The following PRKAR2A variants were observed in gnomAD, a reference collection of about 807,000 sequenced individuals.
PRKAR2A encodes cAMP-dependent protein kinase type II-alpha regulatory subunit.
Under a neutral mutation model 51.9 loss-of-function variants are expected in PRKAR2A, and 29 were observed. That is an observed-to-expected ratio of 0.56 (90% CI 0.42 to 0.76). The LOEUF is 0.76. Among genes scored for constraint, PRKAR2A ranks in the 30% least tolerant of loss-of-function variants. The pLI is 0.00. For missense variants in PRKAR2A, 445 were observed against 512.1 expected (o/e 0.87, Z 1.26); for synonymous variants, 178 against 186.2 (o/e 0.96, Z 0.36).
intron 2 of PRKAR2A, among the ~76,000 whole-genome samples, chr3:48,797,732 C>G: frequency 6.6e-6 from 1 of 152,184 alleles, no homozygotes; most frequent in Non-Finnish European, 1.5e-5. Flanking sequence ...CCATTCTAGT[C>G]TCTGAAATAG....
Position 48,791,903 on chromosome 3 carries a change from CAAAAAAAAAA to C in PRKAR2A, c.352-1286_352-1277del, listed in dbSNP as rs1177374619. 1.0e-3 allele frequency among the ~76,000 whole-genome samples: 42 copies of C among 41,896 alleles called. 1 individual carries two copies. In the Admixed American group the frequency reaches 0.01, roughly 10 times the overall value. The allele number at this position is 41,896 out of a possible 152,430, so 27.5% of individuals were successfully genotyped here. A position where few individuals can be genotyped will look rare whatever the true frequency, so the allele number is the denominator to read the frequency against. On this transcript the variant is annotated intron_variant, in intron 3 of 10. Transcript: ENST00000265563. ...GGGCAACAAGAGCGAAACTCTGTCTCAAAAAAAAAAAAAAAAAAAAAAAAAAAAAGATAGT... is the reference window on the plus strand; with the variant it reads ...GGGCAACAAGAGCGAAACTCTGTCTCAAAAAAAAAAAAAAAAAAAGATAGT...
intron 1 of PRKAR2A, among the ~76,000 whole-genome samples, chr3:48,832,741 A>G (rs2083210614): frequency 1.3e-5 from 2 of 152,308 alleles, no homozygotes; most frequent in Admixed American, 1.3e-4. Flanking sequence ...AAGAGCCACT[A>G]TAAAAAGATC....
chr3:48,779,802 A>C (rs1294379473), intron 5 of PRKAR2A, among the ~76,000 whole-genome samples: 1 of 148,682 alleles, frequency 6.7e-6, no homozygotes, highest in Non-Finnish European at 1.5e-5. Flanking sequence ...TAAATAAATA[A>C]ATAAATAAAT....
chr3:48,806,961 C>T (rs1203308229), intron 2 of PRKAR2A, among the ~76,000 whole-genome samples: 2 of 151,838 alleles, frequency 1.3e-5, no homozygotes, highest in African/African-American at 4.8e-5. Flanking sequence ...TTAGTAGAGA[C>T]GGGGTTTCAC....
At chr3:48,774,261 A>G (rs1431261952) in intron 5 of PRKAR2A, among the ~76,000 whole-genome samples, 1 of 152,090 alleles carries the variant, frequency 6.6e-6, no homozygotes, top group Non-Finnish European at 1.5e-5. Flanking sequence ...CCTTGGATAT[A>G]TGTCCTTTCT....
chr3:48,784,122 C>T (rs2082250498), intron 4 of PRKAR2A, among the ~76,000 whole-genome samples: 1 of 152,052 alleles, frequency 6.6e-6, no homozygotes, highest in Non-Finnish European at 1.5e-5. Flanking sequence ...GAAAATAATA[C>T]TATTAAATTC....
chr3:48,846,942 AATT>A (rs1165551809), intron 1 of PRKAR2A, among the ~76,000 whole-genome samples: 8 of 152,222 alleles, frequency 5.3e-5, no homozygotes, highest in Non-Finnish European at 1.2e-4. Context: ...TTTCAAAAAA[AATT>A]ATTATTTCCA....
At chr3:48,800,473 A>G (rs1050700318) in intron 2 of PRKAR2A, among the ~76,000 whole-genome samples, 1 of 150,962 alleles carries the variant, frequency 6.6e-6, no homozygotes, top group Non-Finnish European at 1.5e-5. Context: ...AGATCGTGCC[A>G]CTGACTCCAG....
intron 1 of PRKAR2A, among the ~76,000 whole-genome samples, chr3:48,844,502 A>G (rs1217488051): frequency 6.6e-6 from 1 of 151,620 alleles, no homozygotes; most frequent in East Asian, 1.9e-4. Flanking sequence ...TACCCAAAGG[A>G]CTATAAATCA....
At chr3:48,829,319 G>C (rs1390179703) in intron 1 of PRKAR2A, among the ~76,000 whole-genome samples, 1 of 151,126 alleles carries the variant, frequency 6.6e-6, no homozygotes, top group Non-Finnish European at 1.5e-5. Context: ...AGGAGTTCGA[G>C]GCCAGCCTGG....
intron 1 of PRKAR2A, among the ~76,000 whole-genome samples, chr3:48,824,867 A>C (rs2083033580): frequency 1.3e-5 from 2 of 149,842 alleles, no homozygotes; most frequent in South Asian, 4.3e-4. Flanking sequence ...AATCACTTGA[A>C]CCCGGGAGGC....
chr3:48,828,710 A>AT (rs1297384394), intron 1 of PRKAR2A, among the ~76,000 whole-genome samples: 6 of 147,582 alleles, frequency 4.1e-5, no homozygotes, highest in Admixed American at 1.4e-4. Flanking sequence ...CCTGTCTCCA[A>AT]AAAAAAAAAA....
chr3:48,781,006 T>A (rs1024969158), intron 5 of PRKAR2A, among the ~76,000 whole-genome samples: 4 of 152,156 alleles, frequency 2.6e-5, no homozygotes. Flanking sequence ...AGTCTCACTC[T>A]GTCACCCAGG....
At chr3:48,766,245 A>C (rs2081939785) in intron 6 of PRKAR2A, among the ~76,000 whole-genome samples, 1 of 151,570 alleles carries the variant, frequency 6.6e-6, no homozygotes. Context: ...AACAACAACA[A>C]CAACAACAAA....
chr3:48,747,440 A>T lies in PRKAR2A; in HGVS notation c.*4145T>A, dbSNP rs944118856. On this transcript the variant is annotated 3_prime_UTR_variant, in exon 11 of 11. Coordinates refer to ENST00000265563, the MANE Select transcript of PRKAR2A (RefSeq NM_004157.4). The stretch of plus-strand genomic sequence containing the variant: ...CCAACAGCACCTCTCACTGAATACG[A>T]TATCACTGTGTGCAGAGAAAACGGG... 1 of 152,162 alleles carries T rather than the reference A, an allele frequency of 6.6e-6. No individual in the cohort carries two copies. The highest frequency in any genetic ancestry group is 6.6e-5 in the Admixed American group (1 of 15,264). The allele number at this position is 152,162 out of a possible 1,614,324, so 9.4% of individuals were successfully genotyped here. A position where few individuals can be genotyped will look rare whatever the true frequency, so the allele number is the denominator to read the frequency against.
intron 2 of PRKAR2A, among the ~76,000 whole-genome samples, chr3:48,801,297 C>T (rs2107343373): frequency 6.6e-6 from 1 of 151,950 alleles, no homozygotes; most frequent in African/African-American, 2.4e-5. Flanking sequence ...GGATTACAGG[C>T]ACCTGCCACC....
At chr3:48,824,239 C>A (rs142296768) in intron 1 of PRKAR2A, among the ~76,000 whole-genome samples, 107 of 151,910 alleles carry the variant, frequency 7.0e-4, no homozygotes, top group African/African-American at 2.5e-3. Flanking sequence ...AAAACTCCGT[C>A]TAAAAAAATA....
At chr3:48,775,496 A>G (rs1038252203) in intron 5 of PRKAR2A, among the ~76,000 whole-genome samples, 32 of 151,240 alleles carry the variant, frequency 2.1e-4, no homozygotes, top group Middle Eastern at 3.2e-3. Flanking sequence ...TTGATCGGCA[A>G]TAATGGCTAA....
chr3:48,765,203 CT>C, intron 7 of PRKAR2A, 44 bp downstream of exon 7: 1 of 1,563,318 alleles, frequency 6.4e-7, no homozygotes, highest in Admixed American at 1.7e-5. Context: ...GTTTTAAAAG[CT>C]TTTCCTGATC....
Sources: allele counts gnomAD v4.1 joint callset (sites outside exome capture counted in the v4.1 genomes callset), GRCh38; gene constraint gnomAD v4.1.1; transcripts MANE v1.5; gene names NCBI Gene and HGNC (gene_info 2026-07-23, HGNC 2026-07-21).